The following CD81 variants were observed in gnomAD, a reference collection of about 807,000 sequenced individuals.
CD81 encodes CD81 antigen.
In CD81, 10 loss-of-function variants were observed where a neutral mutation model predicts 30.1. That is an observed-to-expected ratio of 0.33 (90% confidence interval 0.21 to 0.56). The LOEUF is 0.56. Among genes scored for constraint, CD81 ranks in the 20% least tolerant of loss-of-function variants. CD81 has a pLI of 0.89. For missense variants in CD81, 263 were observed against 308.7 expected, an observed-to-expected ratio of 0.85 and a Z score of 1.11; for synonymous variants, 147 against 126.4, an observed-to-expected ratio of 1.16 and a Z score of -1.10.
In CD81 at chr11:2,386,125, A is replaced by C. The variant is rs533125045; in HGVS notation, c.67-4287A>C. On this transcript the variant is annotated intron_variant, in intron 1 of 7. Coordinates refer to ENST00000263645, the MANE Select transcript of CD81 (RefSeq NM_004356.4). ...CTGGGTGCGCTCGGCATGTGGCTGC[A>C]GCTTGACCTGGGTTTCCTGGTCCCT... 7.0e-6 allele frequency: 5 copies of C among 717,392 alleles called. No individual in the cohort carries two copies. In the East Asian group the frequency reaches 1.3e-4, roughly 19 times the overall value. 44.4% of individuals were successfully genotyped at this position (717,392 alleles called of 1,614,324 possible).
intron 1 of CD81, among the ~76,000 whole-genome samples, chr11:2,385,057 C>A: frequency 6.6e-6 from 1 of 152,164 alleles, no homozygotes; most frequent in South Asian, 2.1e-4. Context: ...TTTCCCATGC[C>A]GCTGCTTGCC....
intron 2 of CD81, chr11:2,393,549 T>G: frequency 8.9e-6 from 3 of 335,216 alleles, no homozygotes; most frequent in Non-Finnish European, 1.1e-5. Flanking sequence ...GCAGCCCAGA[T>G]TGGGGGGCAG....
intron 6 of CD81, 100 bp from the exon 7 acceptor site, chr11:2,396,528 C>G: frequency 9.5e-7 from 1 of 1,055,802 alleles, no homozygotes; most frequent in South Asian, 1.3e-5. Flanking sequence ...CCAGGATTCC[C>G]CTCTACGCTT....
intron 6 of CD81, 52 bp from the exon 7 acceptor site, chr11:2,396,576 G>C: frequency 6.9e-7 from 1 of 1,449,170 alleles, no homozygotes; most frequent in South Asian, 1.1e-5. Flanking sequence ...ACAACGGGAA[G>C]CCGGGAGCCG....
intron 2 of CD81, chr11:2,392,172 C>T (rs1369837234): frequency 6.6e-6 from 1 of 152,290 alleles, no homozygotes; most frequent in Non-Finnish European, 1.5e-5. Context: ...GAAGGGGTCA[C>T]TCTCCAGGCA....
intron 1 of CD81, among the ~76,000 whole-genome samples, chr11:2,384,481 TGTG>T (rs1214216891): frequency 1.4e-3 from 59 of 42,050 alleles, no homozygotes; most frequent in African/African-American, 6.0e-3. Context: ...TGGGGCATCT[TGTG>T]GGGTAGGGCG....
At chr11:2,382,989 G>T (rs1407024243) in intron 1 of CD81, among the ~76,000 whole-genome samples, 3 of 152,274 alleles carry the variant, frequency 2.0e-5, no homozygotes, top group Admixed American at 2.0e-4. Context: ...CGGGGCACTG[G>T]TGCCCACCAC....
chr11:2,383,378 G>A (rs773236642), intron 1 of CD81, among the ~76,000 whole-genome samples: 2 of 152,160 alleles, frequency 1.3e-5, no homozygotes, highest in African/African-American at 4.8e-5. Flanking sequence ...CCTTCTTGGT[G>A]GGCAGAGAGT....
intron 1 of CD81, among the ~76,000 whole-genome samples, chr11:2,389,841 A>G (rs115101809): frequency 0.03 from 4,554 of 152,080 alleles, 243 homozygotes; most frequent in African/African-American, 0.1. Flanking sequence ...CCTGGCAGCA[A>G]AGATGGGGTG....
Position 2,395,892 on chromosome 11 carries a change from A to T in CD81, c.483A>T (p.Thr161=), listed in dbSNP as rs758567193. ...AGCTTGACTGCTGTGGCTCCAGCAC[A>T]CTGACTGCTTTGACCACCTCAGTGC... The part of the protein sequence containing the change: ...HETLDCCGSS[T]LTALTTSVLK... The change falls in exon 6 of 8, where the codon ACA becomes ACT. Residue 161 remains threonine (T), a synonymous_variant. Coordinates refer to ENST00000263645, the MANE Select transcript of CD81 (RefSeq NM_004356.4). The T allele has an allele frequency of 3.7e-6, 6 of 1,612,070 alleles. No homozygotes were observed. The highest frequency in any genetic ancestry group is 1.3e-5 in the African/African-American group (1 of 74,888).
chr11:2,396,972 T>G lies in CD81; in HGVS notation c.*106T>G, dbSNP rs886717708. 9.4e-7 allele frequency: 1 copy of G among 1,058,556 alleles called. No individual in the cohort carries two copies. The highest frequency in any genetic ancestry group is 1.6e-5 in the African/African-American group (1 of 63,560). The allele number at this position is 1,058,556 out of a possible 1,614,324, so 65.6% of individuals were successfully genotyped here. On this transcript the variant is annotated 3_prime_UTR_variant, in exon 8 of 8. Coordinates refer to ENST00000263645, the MANE Select transcript of CD81 (RefSeq NM_004356.4). ...GTGTATATAACGTTTCCGGTATTAC[T>G]CTGCTACACGTAGCCTTTTTACTTT... is the stretch of plus-strand genomic sequence containing the variant.
At chr11:2,386,916 C>A (rs117375634) in intron 1 of CD81, among the ~76,000 whole-genome samples, 1 of 152,222 alleles carries the variant, frequency 6.6e-6, no homozygotes. Flanking sequence ...GGCCTGGGGC[C>A]GGGGCTTGTC....
At chr11:2,386,434 G>T (rs1849799023) in intron 1 of CD81, 1 of 670,038 alleles carries the variant, frequency 1.5e-6, no homozygotes, top group Non-Finnish European at 2.8e-6. Flanking sequence ...TCCCACCACG[G>T]GGCTTGGGGA....
Position 2,395,530 on chromosome 11 carries a change from C to CG in CD81, c.459+16dup, listed in dbSNP as rs765524204. The CG allele has an allele frequency of 6.8e-6, 11 of 1,608,426 alleles. 1 individual carries two copies. The South Asian group carries it at 1.1e-4, about 16-fold the overall frequency. ...GACCTTCCACGAGACGGTGCGGCCC[C>CG]GGGGGGCGAGGGCGGGGAGCAGGGC... On this transcript the variant is annotated intron_variant, in intron 5 of 7. Coordinates refer to ENST00000263645, the MANE Select transcript of CD81 (RefSeq NM_004356.4).
chr11:2,377,586 C>T lies in CD81; in HGVS notation c.37C>T (p.Leu13=), dbSNP rs776912412. 3.9e-6 allele frequency: 6 copies of T among 1,540,978 alleles called. No homozygotes were observed. The African/African-American group carries it at 8.5e-5, about 22-fold the overall frequency. The change falls in exon 1 of 8, where the codon CTG becomes TTG. Residue 13 remains leucine (L), a synonymous_variant. Coordinates refer to ENST00000263645, the MANE Select transcript of CD81 (RefSeq NM_004356.4). The surrounding 1 kb of genome is among the most constrained non-coding windows in gnomAD (Gnocchi z 7.7). ...VEGCTKCIKY[L]LFVFNFVFWL... ...GGGCTGCACCAAGTGCATCAAGTACCTGCTCTTCGTCTTCAATTTCGTCTT... is the reference window on the plus strand; with the variant it reads ...GGGCTGCACCAAGTGCATCAAGTACTTGCTCTTCGTCTTCAATTTCGTCTT...
At position 2,377,595 on chromosome 11, in the gene CD81, G is replaced by A; in HGVS notation, c.46G>A (p.Val16Ile). 1 of 1,544,044 alleles carries A rather than the reference G, an allele frequency of 6.5e-7. No individual in the cohort carries two copies. Among genetic ancestry groups the A allele is most frequent in the Admixed American group, 1.8e-5 (1 of 54,106 alleles). ...CAAGTGCATCAAGTACCTGCTCTTCGTCTTCAATTTCGTCTTCTGGGTAAG... is the reference window on the plus strand; with the variant it reads ...CAAGTGCATCAAGTACCTGCTCTTCATCTTCAATTTCGTCTTCTGGGTAAG... ...CTKCIKYLLF[V>I]FNFVFWLAGG... Residue 16 changes from valine (V) to isoleucine (I), a missense_variant, in exon 1 of 8, where the codon GTC (valine) becomes ATC (isoleucine). Transcript: ENST00000263645. This position sits in a 1 kb window ranked among gnomAD's most constrained non-coding sequence, Gnocchi z 7.7.
At chr11:2,395,238 C>G in intron 4 of CD81, 178 bp from the exon 5 acceptor site, 1 of 730,104 alleles carries the variant, frequency 1.4e-6, no homozygotes, top group Non-Finnish European at 2.4e-6. Context: ...GGCCAGCCTC[C>G]CGTGTCCCAG....
intron 1 of CD81, among the ~76,000 whole-genome samples, chr11:2,379,719 GGCT>G (rs1396732030): frequency 2.6e-5 from 4 of 152,022 alleles, no homozygotes; most frequent in Admixed American, 2.6e-4. Context: ...TTGTTATTAA[GGCT>G]CAAGGAAATG....
chr11:2,393,812 C>A lies in CD81; in HGVS notation c.182-283C>A, dbSNP rs528086530. ...GGCGGGCCCCACCGCAGGTGTCATC[C>A]CTGCGAAGCACCTGTCGCCAGCACT... is the stretch of plus-strand genomic sequence containing the variant. On this transcript the variant is annotated intron_variant, in intron 2 of 7. Transcript: ENST00000263645. 7.2e-5 allele frequency: 45 copies of A among 628,310 alleles called. No individual in the cohort carries two copies. The East Asian group carries it at 1.2e-3, about 17-fold the overall frequency. 38.9% of individuals were successfully genotyped at this position (628,310 alleles called of 1,614,324 possible). A position where few individuals can be genotyped will look rare whatever the true frequency, so the allele number is the denominator to read the frequency against.
Sources: gnomAD v4.1 joint callset for allele counts (sites outside exome capture counted in the v4.1 genomes callset) on GRCh38, gnomAD v4.1.1 for gene constraint, Gnocchi (gnomAD v3.1) non-coding constraint, MANE v1.5 for transcripts, NCBI Gene and HGNC (gene_info 2026-07-23, HGNC 2026-07-21) for gene names.